Variants in TBC1D24 observed in about 807,000 individuals in gnomAD.
The protein encoded by TBC1D24 is Infantile myoclonic epilepsy.
TBC1D24 carries 47 observed loss-of-function variants against 50.7 expected under a neutral mutation model. The ratio of observed to expected loss-of-function variants is 0.93; its 90% CI spans 0.73 to 1.18. The LOEUF (loss-of-function observed/expected upper bound fraction) is 1.18, where lower values mean the gene tolerates loss of function less well. TBC1D24 is among the 50% of genes most tolerant of loss of function. TBC1D24 has a pLI of 0.00. For synonymous variants in TBC1D24, 324 were observed against 335.2 expected, an observed-to-expected ratio of 0.97 and a Z score of 0.36; for missense variants, 688 against 766.5, an observed-to-expected ratio of 0.90 and a Z score of 1.21.
At chr16:2,488,071 C>T (rs2065665121) in intron 1 of TBC1D24, among the ~76,000 whole-genome samples, 2 of 152,224 alleles carry the variant, frequency 1.3e-5, no homozygotes, top group African/African-American at 2.4e-5. Context: ...ATCCATGCTA[C>T]CTCCCACCTG....
At chr16:2,494,917 ACT>A (rs373409823) in intron 1 of TBC1D24, among the ~76,000 whole-genome samples, 2 of 151,592 alleles carry the variant, frequency 1.3e-5, no homozygotes, top group African/African-American at 2.4e-5. Flanking sequence ...GCGCAACGTG[ACT>A]CTCACTCGTA....
Position 2,496,293 on chromosome 16 carries a change from G to C in TBC1D24, c.145G>C (p.Ala49Pro). Residue 49 changes from alanine (A) to proline (P), a missense_variant, in exon 2 of 8, where the codon GCC becomes CCC. Transcript: ENST00000646147. ...ARQGYWAQSH[A>P]LRGKVYQRLI... ...CCAGGGCTACTGGGCCCAAAGCCAC[G>C]CCCTGCGGGGAAAGGTGTACCAGCG... The C allele has an allele frequency of 1.2e-6, 2 of 1,613,722 alleles. No individual in the cohort carries two copies. The highest frequency in any genetic ancestry group is 1.7e-6 in the Non-Finnish European group (2 of 1,180,018).
intron 4 of TBC1D24, 67 bp downstream of exon 4, chr16:2,498,463 G>A (rs911155206): frequency 3.4e-6 from 5 of 1,476,374 alleles, no homozygotes; most frequent in South Asian, 2.5e-5. Context: ...CACAGAGGCT[G>A]GAAATGGGCC....
In TBC1D24 at chr16:2,487,330, A is replaced by G. The variant is rs889536798; in HGVS notation, c.-115-8704A>G. ...CACCTCAGTGGAGGTCTGTCATGTG[A>G]CTAACTGCAGGACGAGGGAGCCGCG... On this transcript the variant is annotated intron_variant, in intron 1 of 7. Transcript: ENST00000646147. This position sits in a 1 kb window ranked among gnomAD's most constrained non-coding sequence, Gnocchi z 4.1. Among the ~76,000 whole-genome samples the G allele has an allele frequency of 2.6e-5, 4 of 152,192 alleles. No individual in the cohort carries two copies. Among genetic ancestry groups the G allele is most frequent in the African/African-American group, 7.2e-5 (3 of 41,442 alleles).
rs969556708 is a variant in TBC1D24 at position 2,504,868 on chromosome 16, A to T, written c.*3910A>T. On this transcript the variant is annotated 3_prime_UTR_variant, in exon 8 of 8. Coordinates refer to ENST00000646147, the MANE Select transcript of TBC1D24 (RefSeq NM_001199107.2). ...CAAATGGCCACTAATTAGGCAATAC[A>T]GCACCTGCCTCAAATTTGGGTTCAT... 1.3e-5 allele frequency: 2 copies of T among 152,246 alleles called. No individual in the cohort carries two copies. Among genetic ancestry groups the T allele is most frequent in the Non-Finnish European group, 2.9e-5 (2 of 68,044 alleles). The allele number at this position is 152,246 out of a possible 1,614,324, so 9.4% of individuals were successfully genotyped here. A position where few individuals can be genotyped will look rare whatever the true frequency, so the allele number is the denominator to read the frequency against.
rs2065785263 is a variant in TBC1D24 at position 2,500,644 on chromosome 16, A to G, written c.1525+154A>G. Among the ~76,000 whole-genome samples, 1 of 152,010 alleles carries G rather than the reference A, an allele frequency of 6.6e-6. No homozygotes were observed. Among genetic ancestry groups the G allele is most frequent in the Admixed American group, 6.5e-5 (1 of 15,270 alleles). On this transcript the variant is annotated intron_variant, in intron 7 of 7. Coordinates refer to ENST00000646147, the MANE Select transcript of TBC1D24 (RefSeq NM_001199107.2). The surrounding 1 kb of genome is among the most constrained non-coding windows in gnomAD (Gnocchi z 8.0). ...TGGGTGGGAGGGGGCTGGAAGGGAG[A>G]GACCAGCCTGGACAGCTGGTCCTGG...
At position 2,496,134 on chromosome 16, in the gene TBC1D24, G is replaced by A. The variant is rs201377976; in HGVS notation, c.-15G>A. 6.8e-6 allele frequency: 11 copies of A among 1,613,346 alleles called. No homozygotes were observed. The Admixed American group carries it at 8.3e-5, about 12-fold the overall frequency. On this transcript the variant is annotated 5_prime_UTR_variant, in exon 2 of 8. Transcript: ENST00000646147. ...TTCCGGCAGTCCAGGGCCTCCTCCC[G>A]AGCACAGCGGCGCTATGGACTCTCC...
intron 4 of TBC1D24, 50 bp downstream of exon 4, chr16:2,498,446 TCCTG>T (rs1213082878): frequency 1.9e-6 from 3 of 1,543,680 alleles, no homozygotes; most frequent in Non-Finnish European, 2.6e-6. Flanking sequence ...CAGCCACGTG[TCCTG>T]CCCACAGAGG....
At position 2,487,632 on chromosome 16, in the gene TBC1D24, T is replaced by G. The variant is rs2065661471; in HGVS notation, c.-115-8402T>G. On this transcript the variant is annotated intron_variant, in intron 1 of 7. Coordinates refer to ENST00000646147, the MANE Select transcript of TBC1D24 (RefSeq NM_001199107.2). This position sits in a 1 kb window ranked among gnomAD's most constrained non-coding sequence, Gnocchi z 4.1. ...GGAGTTTTGTGCTGGAGTTTGGTGT[T>G]GGAGTTTGGTGTTGGAGTTTGGTGC... 6.7e-6 allele frequency among the ~76,000 whole-genome samples: 1 copy of G among 149,400 alleles called. No homozygotes were observed. Among genetic ancestry groups the G allele is most frequent in the Admixed American group, 6.7e-5 (1 of 14,892 alleles).
Position 2,496,095 on chromosome 16 carries a change from A to G in TBC1D24, c.-54A>G. The G allele has an allele frequency of 6.2e-7, 1 of 1,608,724 alleles. No homozygotes were observed. The highest frequency in any genetic ancestry group is 8.5e-7 in the Non-Finnish European group (1 of 1,177,060). Reference sequence around the variant, plus strand: ...AGAAAGGGGGCTGGAGGATTTAGCCACTCTGTCCTCCCCTTCCGGCAGTCC... The same window carrying G: ...AGAAAGGGGGCTGGAGGATTTAGCCGCTCTGTCCTCCCCTTCCGGCAGTCC... On this transcript the variant is annotated 5_prime_UTR_variant, in exon 2 of 8. Coordinates refer to ENST00000646147, the MANE Select transcript of TBC1D24 (RefSeq NM_001199107.2).
chr16:2,497,152 C>A (rs773840708), intron 2 of TBC1D24, 39 bp downstream of exon 2: 19 of 1,597,982 alleles, frequency 1.2e-5, no homozygotes, highest in Non-Finnish European at 1.5e-5. Flanking sequence ...CACCCAGGGT[C>A]GGGGGCTGGG....
At chr16:2,497,179 G>A (rs1357244312) in intron 2 of TBC1D24, 66 bp downstream of exon 2, 54 of 1,592,042 alleles carry the variant, frequency 3.4e-5, no homozygotes, top group African/African-American at 6.7e-5. Flanking sequence ...CGTGTCTGGC[G>A]TGAGCTCATC....
intron 1 of TBC1D24, chr16:2,479,024 C>G (rs1220747895): frequency 6.6e-6 from 1 of 152,014 alleles, no homozygotes; most frequent in African/African-American, 2.4e-5. Flanking sequence ...TCCTGAGTAG[C>G]TGGGACTATA....
At position 2,496,051 on chromosome 16, in the gene TBC1D24, A is replaced by C; in HGVS notation, c.-98A>C. ...TCCTGCAGGGTGTGAGATGGCAGAC[A>C]GGTTTGCAGGAAACCCTCAGAAAGG... is the stretch of plus-strand genomic sequence containing the variant. On this transcript the variant is annotated 5_prime_UTR_variant, in exon 2 of 8. Transcript: ENST00000646147. 1 of 1,497,054 alleles carries C rather than the reference A, an allele frequency of 6.7e-7. No homozygotes were observed. Among genetic ancestry groups the C allele is most frequent in the Non-Finnish European group, 9.2e-7 (1 of 1,092,344 alleles). 92.7% of individuals were successfully genotyped at this position (1,497,054 alleles called of 1,614,324 possible).
intron 1 of TBC1D24, among the ~76,000 whole-genome samples, chr16:2,489,305 G>A (rs546046250): frequency 3.8e-4 from 57 of 151,850 alleles, no homozygotes; most frequent in Middle Eastern, 3.4e-3. Context: ...GGTGGTGGGC[G>A]TCTGTAGTCC....
Position 2,482,622 on chromosome 16 carries a change from C to T in TBC1D24, c.-116+7452C>T, listed in dbSNP as rs796498034. On this transcript the variant is annotated intron_variant, in intron 1 of 7. Coordinates refer to ENST00000646147, the MANE Select transcript of TBC1D24 (RefSeq NM_001199107.2). This position sits in a 1 kb window ranked among gnomAD's most constrained non-coding sequence, Gnocchi z 5.2. ...AGGGTTTCGGGTGGAGAACGGTGAC[C>T]GGGTGAAGCCCTGAGTGGGCAGGAG... Among the ~76,000 whole-genome samples, 4 of 152,178 alleles carry T rather than the reference C, an allele frequency of 2.6e-5. No homozygotes were observed. The highest frequency in any genetic ancestry group is 1.9e-4 in the East Asian group (1 of 5,182).
Position 2,497,761 on chromosome 16 carries a change from C to G in TBC1D24, c.983+34C>G, listed in dbSNP as rs1415443362. The G allele has an allele frequency of 7.2e-6, 11 of 1,535,082 alleles. No homozygotes were observed. In the East Asian group the frequency reaches 2.2e-4, roughly 31 times the overall value. On this transcript the variant is annotated intron_variant, in intron 3 of 7. Transcript: ENST00000646147. ...GAAACTGTATCTGCACACCTGGCCT[C>G]TGTCTTTCCACCAGGCTGACTCTAG...
At position 2,501,096 on chromosome 16, in the gene TBC1D24, G is replaced by A. The variant is rs1377780673; in HGVS notation, c.*138G>A. 5.2e-6 allele frequency: 6 copies of A among 1,152,770 alleles called. No homozygotes were observed. Among genetic ancestry groups the A allele is most frequent in the Non-Finnish European group, 7.3e-6 (6 of 819,830 alleles). 71.4% of individuals were successfully genotyped at this position (1,152,770 alleles called of 1,614,324 possible). A position where few individuals can be genotyped will look rare whatever the true frequency, so the allele number is the denominator to read the frequency against. On this transcript the variant is annotated 3_prime_UTR_variant, in exon 8 of 8. Transcript: ENST00000646147. ...CGGCAGGACCCCATGGCCAAGCCTG[G>A]CGTTGCCTGGACCTGCTGCTGCCTC...
rs1236688099 is a variant in TBC1D24 at position 2,499,349 on chromosome 16, T to C, written c.1143-8T>C. 3.7e-6 allele frequency: 6 copies of C among 1,612,110 alleles called. No individual in the cohort carries two copies. The highest frequency in any genetic ancestry group is 5.1e-6 in the Non-Finnish European group (6 of 1,179,210). ...GGGTGACAGCTGGCATGCGTGTCTC[T>C]ACGCCAGGTTCTACTTCCAGTGTGA... On this transcript the variant is annotated splice_polypyrimidine_tract_variant and splice_region_variant and intron_variant, in intron 4 of 7. Coordinates refer to ENST00000646147, the MANE Select transcript of TBC1D24 (RefSeq NM_001199107.2). This position sits in a 1 kb window ranked among gnomAD's most constrained non-coding sequence, Gnocchi z 4.0.
Sources: gnomAD v4.1 joint callset for allele counts (sites outside exome capture counted in the v4.1 genomes callset) on GRCh38, gnomAD v4.1.1 for gene constraint, Gnocchi (gnomAD v3.1) non-coding constraint, MANE v1.5 for transcripts, NCBI Gene and HGNC (gene_info 2026-07-23, HGNC 2026-07-21) for gene names.